Variants in TPM4 observed in about 807,000 individuals in gnomAD.
TPM4 encodes tropomyosin alpha-4 chain.
A neutral mutation model predicts 35.8 loss-of-function variants in TPM4; 17 were observed. That is an observed-to-expected ratio of 0.47 (90% CI 0.32 to 0.71). TPM4 has a LOEUF of 0.71. TPM4 is among the 30% of genes least tolerant of loss of function. The pLI, the probability that TPM4 is intolerant of heterozygous loss-of-function variation, is 0.03. For missense variants in TPM4, 240 were observed against 320.9 expected, an observed-to-expected ratio of 0.75 and a Z score of 1.93; for synonymous variants, 120 against 122.9, an observed-to-expected ratio of 0.98 and a Z score of 0.15.
At chr19:16,074,561 T>C (rs10426103), upstream of TPM4, 49,185 of 152,172 alleles carry the variant, frequency 0.32, 8,578 homozygotes, top group East Asian at 0.49. Flanking sequence ...CACATGGAGA[T>C]GAGGGCTTCA....
At chr19:16,093,657 G>A (rs753864263) in intron 6 of TPM4, 27 bp from the exon 7 acceptor site, 4 of 1,614,248 alleles carry the variant, frequency 2.5e-6, no homozygotes, top group Non-Finnish European at 3.4e-6. Flanking sequence ...TTGAAGCCAT[G>A]ATAGTAACTC....
At chr19:16,095,431 C>G in intron 7 of TPM4, 1 of 1,029,572 alleles carries the variant, frequency 9.7e-7, no homozygotes, top group South Asian at 4.6e-5. Context: ...GGTGGCCTGC[C>G]TTCTGGTTTG....
chr19:16,076,256 G>A (rs2090403883), upstream of TPM4: 9 of 1,534,336 alleles, frequency 5.9e-6, no homozygotes, highest in South Asian at 1.1e-4. Flanking sequence ...CGCAGGGGGA[G>A]GAGGAAGAGG....
chr19:16,076,013 C>CG (rs2090400364), upstream of TPM4: 1 of 1,589,940 alleles, frequency 6.3e-7, no homozygotes, highest in Non-Finnish European at 8.6e-7. Flanking sequence ...ACCCCCCCCC[C>CG]AGGCTGACCC....
At chr19:16,082,073 T>TC in intron 2 of TPM4, 27 bp downstream of exon 2, 2 of 1,584,446 alleles carry the variant, frequency 1.3e-6, no homozygotes, top group Non-Finnish European at 1.7e-6. Flanking sequence ...TCTGGTGGCA[T>TC]CCGTGTTTGC....
Position 16,101,482 on chromosome 19 carries a change from A to C in TPM4, c.*136A>C. On this transcript the variant is annotated 3_prime_UTR_variant, in exon 8 of 8. Transcript: ENST00000643579. The stretch of plus-strand genomic sequence containing the variant: ...CAAGCAAATTATGAATACATGACCA[A>C]ATATTTTGTATCGGAGAAGCTTTGA... 1.8e-6 allele frequency: 1 copy of C among 563,998 alleles called. No homozygotes were observed. Among genetic ancestry groups the C allele is most frequent in the Non-Finnish European group, 3.0e-6 (1 of 331,592 alleles). The allele number at this position is 563,998 out of a possible 1,614,324, so 34.9% of individuals were successfully genotyped here.
intron 2 of TPM4, 65 bp downstream of exon 2, chr19:16,082,111 A>T: frequency 6.5e-7 from 1 of 1,542,956 alleles, no homozygotes; most frequent in Non-Finnish European, 8.8e-7. Context: ...CATGCTGCCG[A>T]CCTCGCAGAG....
Position 16,091,511 on chromosome 19 carries a change from A to G in TPM4, c.532-2025A>G, listed in dbSNP as rs193126673. 2.0e-5 allele frequency among the ~76,000 whole-genome samples: 3 copies of G among 152,344 alleles called. No individual in the cohort carries two copies. The East Asian group carries it at 5.8e-4, about 29-fold the overall frequency. On this transcript the variant is annotated intron_variant, in intron 5 of 7. Transcript: ENST00000643579. ...AGCTGTAGGTCCAGCACGGTGGCTCATGCCTGTAATTCCAGCACTTTAGGA... is the reference window on the plus strand; with the variant it reads ...AGCTGTAGGTCCAGCACGGTGGCTCGTGCCTGTAATTCCAGCACTTTAGGA...
chr19:16,067,823 C>A lies in TPM4; in HGVS notation c.114+85C>A. ...CGGGGTCTGGAGCCCAGTTGGGGGTCGCAGACACCTGCGGGAGGATAGGAG... is the reference window on the plus strand; with the variant it reads ...CGGGGTCTGGAGCCCAGTTGGGGGTAGCAGACACCTGCGGGAGGATAGGAG... On this transcript the variant is annotated intron_variant, in intron 2 of 2. Transcript: ENST00000589897. This position sits in a 1 kb window ranked among gnomAD's most constrained non-coding sequence, Gnocchi z 4.1. 2 of 1,279,690 alleles carry A rather than the reference C, an allele frequency of 1.6e-6. No individual in the cohort carries two copies. Among genetic ancestry groups the A allele is most frequent in the Non-Finnish European group, 1.1e-6 (1 of 922,476 alleles). 79.3% of individuals were successfully genotyped at this position (1,279,690 alleles called of 1,614,324 possible).
intron 5 of TPM4, among the ~76,000 whole-genome samples, chr19:16,089,569 G>A (rs1347292834): frequency 3.3e-5 from 5 of 152,102 alleles, no homozygotes; most frequent in Admixed American, 6.6e-5. Flanking sequence ...ACACTTCCAC[G>A]GCCGAACCCC....
chr19:16,093,043 C>T (rs149555166), intron 5 of TPM4: 175 of 166,298 alleles, frequency 1.1e-3, no homozygotes, highest in Middle Eastern at 6.2e-3. Flanking sequence ...TTTGTAGAGA[C>T]GGGGTCTCAC....
At chr19:16,072,094 A>G (rs903419292), upstream of TPM4, among the ~76,000 whole-genome samples, 3 of 152,254 alleles carry the variant, frequency 2.0e-5, no homozygotes, top group African/African-American at 7.2e-5. Flanking sequence ...TGCTGGAATT[A>G]CAGGCGTGAG....
intron 5 of TPM4, chr19:16,093,281 C>T (rs140054855): frequency 1.7e-5 from 8 of 466,558 alleles, no homozygotes; most frequent in African/African-American, 1.4e-4. Context: ...CTGCAACCTC[C>T]ACCTCCCAGG....
At chr19:16,088,536 C>T in intron 4 of TPM4, 20 of 1,044,854 alleles carry the variant, frequency 1.9e-5, no homozygotes, top group Non-Finnish European at 2.2e-5. Context: ...ACCAGAATCC[C>T]ACAAGCAAGC....
intron 5 of TPM4, 111 bp from the exon 6 acceptor site, chr19:16,093,425 A>G: frequency 8.2e-7 from 1 of 1,213,596 alleles, no homozygotes; most frequent in Non-Finnish European, 1.2e-6. Context: ...CGAACTCCTG[A>G]CCTTGTGATC....
Position 16,076,565 on chromosome 19 carries a change from C to T in TPM4, c.-1C>T, listed in dbSNP as rs1470545020. 6.8e-7 allele frequency: 1 copy of T among 1,460,644 alleles called. No individual in the cohort carries two copies. Among genetic ancestry groups the T allele is most frequent in the Non-Finnish European group, 9.0e-7 (1 of 1,112,078 alleles). The allele number at this position is 1,460,644 out of a possible 1,614,324, so 90.5% of individuals were successfully genotyped here. A position where few individuals can be genotyped will look rare whatever the true frequency, so the allele number is the denominator to read the frequency against. On this transcript the variant is annotated 5_prime_UTR_variant, in exon 1 of 8. Transcript: ENST00000643579. Reference sequence around the variant, plus strand: ...CCCGTGCGCCTCTGCGCCTCCGCGCCATGGCCGGCCTCAACTCCCTGGAGG... The same window carrying T: ...CCCGTGCGCCTCTGCGCCTCCGCGCTATGGCCGGCCTCAACTCCCTGGAGG...
chr19:16,078,616 G>T (rs370544183), intron 1 of TPM4, among the ~76,000 whole-genome samples: 1 of 152,154 alleles, frequency 6.6e-6, no homozygotes, highest in Non-Finnish European at 1.5e-5. Context: ...AAGTCATCTC[G>T]CTGGAGGACA....
At chr19:16,068,153 T>C (rs578159011) in intron 2 of TPM4, among the ~76,000 whole-genome samples, 1 of 136,732 alleles carries the variant, frequency 7.3e-6, no homozygotes, top group Non-Finnish European at 1.6e-5. Flanking sequence ...GCCTCTGGTG[T>C]GTGTGTGCAT....
intron 1 of TPM4, 30 bp downstream of exon 1, chr19:16,076,727 C>A: frequency 7.7e-7 from 1 of 1,301,004 alleles, no homozygotes; most frequent in Non-Finnish European, 9.8e-7. Context: ...GCCCCGCACC[C>A]GCAGCCTCCT....
Sources: allele counts gnomAD v4.1 joint callset (sites outside exome capture counted in the v4.1 genomes callset), GRCh38; gene constraint gnomAD v4.1.1; non-coding constraint Gnocchi (gnomAD v3.1); transcripts MANE v1.5; gene names NCBI Gene and HGNC (gene_info 2026-07-23, HGNC 2026-07-21).